The following CFAP46 variants were observed in gnomAD, a reference collection of about 807,000 sequenced individuals.
The protein encoded by CFAP46 is cilia and flagella associated protein 46.
A neutral mutation model predicts 325.7 loss-of-function variants in CFAP46; 245 were observed. That is an observed-to-expected ratio of 0.75 (90% CI 0.68 to 0.84). The LOEUF is 0.84. CFAP46 is among the 40% of genes least tolerant of loss of function. The probability of loss-of-function intolerance (pLI) is 0.00; values close to 1 mark genes in which losing one functional copy is unlikely to be tolerated. For synonymous variants in CFAP46, 1,523 were observed against 1,495.9 expected, an observed-to-expected ratio of 1.02 and a Z score of -0.42; for missense variants, 3,346 against 3,543.0, an observed-to-expected ratio of 0.94 and a Z score of 1.41.
chr10:132,876,045 T>G lies in CFAP46; in HGVS notation c.4362+767A>C, dbSNP rs75439506. ...AAAAGTCAGAAAGCTTAATTAAATATGGGCGACAGCCTGGAGGGCACATCA... is the reference window on the plus strand; with the variant it reads ...AAAAGTCAGAAAGCTTAATTAAATAGGGGCGACAGCCTGGAGGGCACATCA... On this transcript the variant is annotated intron_variant, in intron 31 of 57. Transcript: ENST00000368586. The surrounding 1 kb of genome is among the most constrained non-coding windows in gnomAD (Gnocchi z 4.1). Among the ~76,000 whole-genome samples, 1 of 152,208 alleles carries G rather than the reference T, an allele frequency of 6.6e-6. No individual in the cohort carries two copies. Among genetic ancestry groups the G allele is most frequent in the African/African-American group, 2.4e-5 (1 of 41,464 alleles).
chr10:132,857,360 G>A (rs1307317126), intron 39 of CFAP46, among the ~76,000 whole-genome samples: 1 of 152,228 alleles, frequency 6.6e-6, no homozygotes, highest in Admixed American at 6.5e-5. Flanking sequence ...TGGTGAGCTC[G>A]GACCTTAGCT....
At chr10:132,908,350 C>T in intron 22 of CFAP46, 118 bp downstream of exon 22, 1 of 1,286,130 alleles carries the variant, frequency 7.8e-7, no homozygotes, top group South Asian at 1.4e-5. Context: ...GCCCGCGCTC[C>T]CTGCCCGTTT....
intron 39 of CFAP46, among the ~76,000 whole-genome samples, chr10:132,851,714 C>T (rs1008997872): frequency 6.6e-5 from 10 of 152,078 alleles, no homozygotes; most frequent in African/African-American, 2.4e-4. Flanking sequence ...CAGCCGGCGT[C>T]GGTGCACCGT....
At chr10:132,929,421 C>A (rs1849857197) in intron 9 of CFAP46, 1 of 693,098 alleles carries the variant, frequency 1.4e-6, no homozygotes, top group Non-Finnish European at 2.7e-6. Context: ...TCATCAGCAT[C>A]ATGAAATTTT....
Position 132,908,577 on chromosome 10 carries a change from G to C in CFAP46, c.2815C>G (p.Leu939Val). Residue 939 changes from leucine (L) to valine (V), a missense_variant, in exon 22 of 58, where the codon CTG becomes GTG. Transcript: ENST00000368586. ...TGGGCGAAGTGGGTCAGCCGCGTCA[G>C]GGTCTGCAGCTCCACCAGGGGGTCC... ...WSDPLVELQT[L>V]TRLTHFAHAA... 3 of 1,550,216 alleles carry C rather than the reference G, an allele frequency of 1.9e-6. No individual in the cohort carries two copies. Among genetic ancestry groups the C allele is most frequent in the Non-Finnish European group, 2.6e-6 (3 of 1,146,800 alleles).
intron 8 of CFAP46, among the ~76,000 whole-genome samples, chr10:132,933,828 AC>A (rs1249044599): frequency 6.6e-6 from 1 of 152,034 alleles, no homozygotes; most frequent in Non-Finnish European, 1.5e-5. Flanking sequence ...TCCTCTCAAC[AC>A]CCCTGTGAGC....
chr10:132,835,755 C>G (rs1057125560), intron 46 of CFAP46, among the ~76,000 whole-genome samples: 38 of 152,046 alleles, frequency 2.5e-4, no homozygotes, highest in African/African-American at 8.9e-4. Context: ...GGGACCCCAG[C>G]GGCTCCCTGG....
At chr10:132,823,092 C>A (rs1405961562) in intron 50 of CFAP46, among the ~76,000 whole-genome samples, 2 of 108,204 alleles carry the variant, frequency 1.8e-5, no homozygotes, top group Non-Finnish European at 3.6e-5. Context: ...CTGATGTGTG[C>A]TTTGTATGTG....
In CFAP46 at chr10:132,876,913, T is replaced by C. The variant is rs1183078136; in HGVS notation, c.4261A>G (p.Ile1421Val). The C allele has an allele frequency of 4.0e-5, 62 of 1,550,470 alleles. No individual in the cohort carries two copies. Among genetic ancestry groups the C allele is most frequent in the Non-Finnish European group, 5.4e-5 (62 of 1,146,986 alleles). ...IKQLEDLPMSIEEWASYSCPE... is the reference protein window; with the variant it reads ...IKQLEDLPMSVEEWASYSCPE... ...CAGGAGTAGGAAGCCCACTCTTCTATGCTCATGGGTAAGTCTTCCAGTTGT... is the reference window on the plus strand; with the variant it reads ...CAGGAGTAGGAAGCCCACTCTTCTACGCTCATGGGTAAGTCTTCCAGTTGT... The change falls in exon 31 of 58, where the codon ATA (isoleucine) becomes GTA (valine). Residue 1421 changes from isoleucine (I) to valine (V), a missense_variant. Physicochemically the swap from Ile to Val is conservative, Grantham distance 29 (BLOSUM62 3). Coordinates refer to ENST00000368586, the MANE Select transcript of CFAP46 (RefSeq NM_001200049.3). The surrounding 1 kb of genome is among the most constrained non-coding windows in gnomAD (Gnocchi z 4.1).
intron 27 of CFAP46, among the ~76,000 whole-genome samples, chr10:132,882,108 TGTGGTCTGTATGGGATGTGGGGTGTGA>T (rs1326358468): frequency 5.3e-5 from 7 of 133,004 alleles, no homozygotes; most frequent in Non-Finnish European, 8.0e-5. Flanking sequence ...GTGGGGTGTG[TGTGGTCTGTATGGGATGTGGGGTGTGA>T]GTGGTGTGTG....
At chr10:132,904,533 A>C (rs1014018345) in intron 22 of CFAP46, among the ~76,000 whole-genome samples, 1 of 152,214 alleles carries the variant, frequency 6.6e-6, no homozygotes, top group African/African-American at 2.4e-5. Context: ...CATATGTTTA[A>C]ATTTACAGCT....
intron 54 of CFAP46, among the ~76,000 whole-genome samples, chr10:132,813,121 C>G (rs1847615308): frequency 6.6e-6 from 1 of 152,158 alleles, no homozygotes; most frequent in Non-Finnish European, 1.5e-5. Flanking sequence ...TGAGCATGGA[C>G]TTCTACGCTG....
At position 132,849,513 on chromosome 10, in the gene CFAP46, G is replaced by A. The variant is rs556016765; in HGVS notation, c.5952+731C>T. Among the ~76,000 whole-genome samples the A allele has an allele frequency of 3.9e-5, 6 of 152,336 alleles. No individual in the cohort carries two copies. In the South Asian group the frequency reaches 1.2e-3, roughly 32 times the overall value. On this transcript the variant is annotated intron_variant, in intron 41 of 57. Coordinates refer to ENST00000368586, the MANE Select transcript of CFAP46 (RefSeq NM_001200049.3). ...CTGGGGCAGGTGCCTTCCGGGGGAG[G>A]AGCTGGCATCTGCACAAGTGTTTAG... is the stretch of plus-strand genomic sequence containing the variant.
At chr10:132,923,076 G>C (rs1195204334) in intron 11 of CFAP46, among the ~76,000 whole-genome samples, 1 of 152,234 alleles carries the variant, frequency 6.6e-6, no homozygotes, top group Non-Finnish European at 1.5e-5. Flanking sequence ...GGCTGCGAAG[G>C]AGGCTAGGGT....
intron 44 of CFAP46, among the ~76,000 whole-genome samples, chr10:132,845,805 G>A (rs12258410): frequency 0.034 from 5,238 of 152,222 alleles, 189 homozygotes; most frequent in African/African-American, 0.09. Flanking sequence ...CTGGCTGTGC[G>A]TTTGTAGTTG....
rs1848172112 is a variant in CFAP46, at chr10:132,832,780, C to CG, written c.7117+577dup. On this transcript the variant is annotated intron_variant, in intron 50 of 57. Transcript: ENST00000368586. The surrounding 1 kb of genome is among the most constrained non-coding windows in gnomAD (Gnocchi z 4.1). ...CCAGCCGAGGTCAGGGCCTTCCGCG[C>CG]GCTCCCTCGTGCTTTTCACTGTCTG... 1 of 471,244 alleles carries CG rather than the reference C, an allele frequency of 2.1e-6. No individual in the cohort carries two copies. The highest frequency in any genetic ancestry group is 4.4e-6 in the Non-Finnish European group (1 of 227,070). The allele number at this position is 471,244 out of a possible 1,614,324, so 29.2% of individuals were successfully genotyped here.
chr10:132,912,548 T>G (rs1849564874), intron 19 of CFAP46, 107 bp downstream of exon 19: 2 of 1,099,552 alleles, frequency 1.8e-6, no homozygotes, highest in African/African-American at 3.4e-5. Context: ...CTCCTCTCTC[T>G]CTCTCTTCAC....
rs1295275522 is a variant in CFAP46 at position 132,941,595 on chromosome 10, T to C, written c.302A>G (p.Asn101Ser). Residue 101 changes from asparagine to serine, a missense_variant, in exon 3 of 58, where the codon AAC (asparagine) becomes AGC (serine). Coordinates refer to ENST00000368586, the MANE Select transcript of CFAP46 (RefSeq NM_001200049.3). ...GGGGCACAGGACGCCTCTCACCAGGTTTTCTGCCGACTTCGGGGCACACAT... is the reference window on the plus strand; with the variant it reads ...GGGGCACAGGACGCCTCTCACCAGGCTTTCTGCCGACTTCGGGGCACACAT... ...AQMCAPKSAE[N>S]LEEFENCVTE... The C allele has an allele frequency of 2.5e-6, 4 of 1,612,344 alleles. No homozygotes were observed. The highest frequency in any genetic ancestry group is 1.7e-5 in the Admixed American group (1 of 59,884).
Position 132,880,895 on chromosome 10 carries a change from G to A in CFAP46, c.3765C>T (p.Pro1255=), listed in dbSNP as rs536637812. Reference sequence around the variant, plus strand: ...TGGGCTGTGGCTCAGGGACATCGCCGGGCGGCTTCATGGCCAGCAGGATCT... The same window carrying A: ...TGGGCTGTGGCTCAGGGACATCGCCAGGCGGCTTCATGGCCAGCAGGATCT... ...AVEILLAMKP[P]GDVPEPQPTP... Residue 1255 remains proline, a synonymous_variant, in exon 28 of 58, where the codon CCC becomes CCT. Coordinates refer to ENST00000368586, the MANE Select transcript of CFAP46 (RefSeq NM_001200049.3). 8.1e-5 allele frequency: 125 copies of A among 1,549,822 alleles called. No individual in the cohort carries two copies. Among genetic ancestry groups the A allele is most frequent in the South Asian group, 9.5e-5 (8 of 84,050 alleles).
Sources: gnomAD v4.1 joint callset for allele counts (sites outside exome capture counted in the v4.1 genomes callset) on GRCh38, gnomAD v4.1.1 for gene constraint, Gnocchi (gnomAD v3.1) non-coding constraint, MANE v1.5 for transcripts, NCBI Gene and HGNC (gene_info 2026-07-23, HGNC 2026-07-21) for gene names.